Variants in UNC5D observed in about 807,000 individuals in gnomAD.
The protein encoded by UNC5D is netrin receptor UNC5D.
In UNC5D, 39 loss-of-function variants were observed where a neutral mutation model predicts 105.4. The ratio of observed to expected loss-of-function variants is 0.37; its 90% CI spans 0.29 to 0.48. The LOEUF (loss-of-function observed/expected upper bound fraction) is 0.48. Among genes scored for constraint, UNC5D ranks in the 20% least tolerant of loss-of-function variants. The pLI, the probability that UNC5D is intolerant of heterozygous loss-of-function variation, is 0.98. For synonymous variants in UNC5D, 452 were observed against 450.4 expected (o/e 1.00, Z -0.04); for missense variants, 991 against 1,202.4 (o/e 0.82, Z 2.60).
intron 4 of UNC5D, among the ~76,000 whole-genome samples, chr8:35,635,316 C>T (rs1438091557): frequency 6.6e-6 from 1 of 152,130 alleles, no homozygotes; most frequent in Non-Finnish European, 1.5e-5. Flanking sequence ...CTTGCTGTCA[C>T]TCAGCATCAC....
intron 1 of UNC5D, among the ~76,000 whole-genome samples, chr8:35,243,734 A>G (rs1468362748): frequency 6.6e-6 from 1 of 152,174 alleles, no homozygotes; most frequent in Non-Finnish European, 1.5e-5. Flanking sequence ...TTATCCCAAC[A>G]TGGTGTGGAG....
intron 4 of UNC5D, among the ~76,000 whole-genome samples, chr8:35,611,489 C>T (rs1167696011): frequency 6.6e-6 from 1 of 152,134 alleles, no homozygotes; most frequent in East Asian, 1.9e-4. Context: ...GAAAATGTTA[C>T]CTGAACTGGA....
intron 1 of UNC5D, among the ~76,000 whole-genome samples, chr8:35,352,500 C>T (rs2128910984): frequency 6.6e-6 from 1 of 152,168 alleles, no homozygotes. Context: ...CTTTTTATTG[C>T]ACTATAATTG....
intron 1 of UNC5D, among the ~76,000 whole-genome samples, chr8:35,323,807 C>T (rs193183664): frequency 5.6e-4 from 85 of 152,202 alleles, no homozygotes; most frequent in Admixed American, 5.1e-3. Flanking sequence ...AGTGATTAAA[C>T]TATTATAATT....
intron 1 of UNC5D, among the ~76,000 whole-genome samples, chr8:35,450,473 T>C (rs993416244): frequency 6.6e-6 from 1 of 152,198 alleles, no homozygotes; most frequent in Non-Finnish European, 1.5e-5. Context: ...CTTAGAATTT[T>C]AGGAAGCTGA....
chr8:35,407,031 C>A (rs186185928), intron 1 of UNC5D, among the ~76,000 whole-genome samples: 1 of 152,168 alleles, frequency 6.6e-6, no homozygotes. Flanking sequence ...GCATATATGA[C>A]CATGGTCCTG....
At chr8:35,317,852 T>TAACTTAGTTGCCTTCTACTTAGACAAGAC (rs149123405) in intron 1 of UNC5D, among the ~76,000 whole-genome samples, 52,949 of 149,738 alleles carry the variant, frequency 0.35, 10,315 homozygotes, top group Middle Eastern at 0.44. Flanking sequence ...TTAGACAAGA[T>TAACTTAGTTGCCTTCTACTTAGACAAGAC]AACTTAGTTG....
chr8:35,328,759 C>T (rs550647244), intron 1 of UNC5D, among the ~76,000 whole-genome samples: 10 of 152,244 alleles, frequency 6.6e-5, no homozygotes, highest in East Asian at 3.9e-4. Flanking sequence ...GCAGTCAGTC[C>T]GCGTCAGGAG....
intron 4 of UNC5D, among the ~76,000 whole-genome samples, chr8:35,675,739 T>C (rs191210890): frequency 2.6e-5 from 4 of 152,178 alleles, no homozygotes; most frequent in Admixed American, 1.3e-4. Context: ...AAAGCAGCTT[T>C]CTCCTCTTTC....
At chr8:35,486,400 GA>G (rs1810825840) in intron 1 of UNC5D, among the ~76,000 whole-genome samples, 1 of 152,146 alleles carries the variant, frequency 6.6e-6, no homozygotes, top group South Asian at 2.1e-4. Flanking sequence ...TGCTGATGGA[GA>G]GGGGCCCAAG....
intron 1 of UNC5D, among the ~76,000 whole-genome samples, chr8:35,447,224 A>G (rs1261834709): frequency 6.6e-6 from 1 of 152,124 alleles, no homozygotes; most frequent in Admixed American, 6.6e-5. Context: ...TAGATGTACA[A>G]TCTAGTAAAT....
At chr8:35,783,178 A>G (rs193158531) in intron 16 of UNC5D, among the ~76,000 whole-genome samples, 174 of 152,066 alleles carry the variant, frequency 1.1e-3, no homozygotes, top group Non-Finnish European at 5.1e-4. Flanking sequence ...ATATGTAAGT[A>G]ATGTAAGTAG....
chr8:35,626,686 A>C (rs1821716253), intron 4 of UNC5D, among the ~76,000 whole-genome samples: 1 of 152,238 alleles, frequency 6.6e-6, no homozygotes, highest in Admixed American at 6.5e-5. Context: ...CAGGCTGGGA[A>C]TATATATCAT....
At chr8:35,379,015 T>C (rs959406333) in intron 1 of UNC5D, among the ~76,000 whole-genome samples, 1 of 152,172 alleles carries the variant, frequency 6.6e-6, no homozygotes, top group Non-Finnish European at 1.5e-5. Flanking sequence ...CTAGAAAGGA[T>C]AGAAGCAAAT....
At chr8:35,508,071 G>A (rs941949239) in intron 1 of UNC5D, among the ~76,000 whole-genome samples, 7 of 152,126 alleles carry the variant, frequency 4.6e-5, no homozygotes, top group African/African-American at 1.4e-4. Flanking sequence ...GACAGTCATG[G>A]CACTTAAATT....
At chr8:35,424,092 A>C (rs1049368454) in intron 1 of UNC5D, among the ~76,000 whole-genome samples, 1 of 152,190 alleles carries the variant, frequency 6.6e-6, no homozygotes, top group South Asian at 2.1e-4. Context: ...GAGCCACTGC[A>C]CCCAGCCAAG....
chr8:35,525,631 A>AG, intron 1 of UNC5D: 1 of 1,613,520 alleles, frequency 6.2e-7, no homozygotes, highest in Non-Finnish European at 8.5e-7. Flanking sequence ...CCACTGGAAG[A>AG]GGGACATTTT....
intron 1 of UNC5D, among the ~76,000 whole-genome samples, chr8:35,412,231 C>T (rs1204666623): frequency 1.3e-5 from 2 of 152,012 alleles, no homozygotes; most frequent in Non-Finnish European, 2.9e-5. Flanking sequence ...TTAGAACCCT[C>T]CATTGGGCAC....
intron 16 of UNC5D, among the ~76,000 whole-genome samples, chr8:35,781,044 TA>T (rs1802480165): frequency 6.6e-6 from 1 of 152,216 alleles, no homozygotes; most frequent in Non-Finnish European, 1.5e-5. Flanking sequence ...GATAGTATTA[TA>T]CATCGGTCCT....
Sources: gnomAD v4.1 joint callset for allele counts (sites outside exome capture counted in the v4.1 genomes callset) on GRCh38, gnomAD v4.1.1 for gene constraint, MANE v1.5 for transcripts, NCBI Gene and HGNC (gene_info 2026-07-23, HGNC 2026-07-21) for gene names.